The following SLC24A3 variants were observed in gnomAD, a reference collection of about 807,000 sequenced individuals.
The protein encoded by SLC24A3 is sodium/potassium/calcium exchanger 3.
In SLC24A3, 28 loss-of-function variants were observed where a neutral mutation model predicts 75.8. The ratio of observed to expected loss-of-function variants is 0.37; its 90% CI spans 0.27 to 0.51. The LOEUF (loss-of-function observed/expected upper bound fraction) is 0.51. Ranked by LOEUF, SLC24A3 falls within the 20% of genes least tolerant of loss-of-function variation. The pLI is 0.94. For synonymous variants in SLC24A3, 372 were observed against 334.1 expected, an observed-to-expected ratio of 1.11 and a Z score of -1.24; for missense variants, 663 against 847.8, an observed-to-expected ratio of 0.78 and a Z score of 2.71.
At chr20:19,563,935 C>CTAG (rs1323275502) in intron 3 of SLC24A3, among the ~76,000 whole-genome samples, 1 of 152,264 alleles carries the variant, frequency 6.6e-6, no homozygotes, top group Admixed American at 6.5e-5. Flanking sequence ...AGGTTTCTTA[C>CTAG]CAACCTTGAA....
chr20:19,608,419 C>G (rs1056991862), intron 6 of SLC24A3, among the ~76,000 whole-genome samples: 9 of 152,216 alleles, frequency 5.9e-5, no homozygotes, highest in African/African-American at 2.2e-4. Flanking sequence ...GTACAGACTT[C>G]AAGATCCCAA....
chr20:19,452,587 G>T (rs1158342826), intron 2 of SLC24A3, among the ~76,000 whole-genome samples: 1 of 152,004 alleles, frequency 6.6e-6, no homozygotes, highest in Non-Finnish European at 1.5e-5. Flanking sequence ...GAGGCCTGTG[G>T]GGACATTATG....
At chr20:19,699,325 G>A (rs1364146451) in intron 15 of SLC24A3, among the ~76,000 whole-genome samples, 2 of 152,238 alleles carry the variant, frequency 1.3e-5, no homozygotes, top group African/African-American at 2.4e-5. Flanking sequence ...CGGGGAGAGG[G>A]GGAGAGGGTC....
chr20:19,555,499 G>A (rs2030768285), intron 3 of SLC24A3, among the ~76,000 whole-genome samples: 1 of 152,172 alleles, frequency 6.6e-6, no homozygotes, highest in African/African-American at 2.4e-5. Flanking sequence ...TCCTAGAATG[G>A]TAGACAATCC....
intron 2 of SLC24A3, among the ~76,000 whole-genome samples, chr20:19,299,355 C>T (rs1984143064): frequency 6.6e-6 from 1 of 152,152 alleles, no homozygotes; most frequent in African/African-American, 2.4e-5. Flanking sequence ...AATGGGTGAT[C>T]TGAGGAGGCA....
At chr20:19,612,573 AG>A (rs1170717134) in intron 6 of SLC24A3, among the ~76,000 whole-genome samples, 1 of 151,974 alleles carries the variant, frequency 6.6e-6, no homozygotes, top group East Asian at 1.9e-4. Flanking sequence ...GAAAAGTAAA[AG>A]GAAAAAAATA....
At chr20:19,560,521 T>A (rs2122609895) in intron 3 of SLC24A3, among the ~76,000 whole-genome samples, 1 of 152,318 alleles carries the variant, frequency 6.6e-6, no homozygotes, top group Non-Finnish European at 1.5e-5. Flanking sequence ...TATCTTAAGT[T>A]GTCCATTGTC....
chr20:19,258,666 C>T (rs934127124), intron 1 of SLC24A3, among the ~76,000 whole-genome samples: 13 of 152,278 alleles, frequency 8.5e-5, no homozygotes, highest in African/African-American at 2.9e-4. Flanking sequence ...CGCGCCACTG[C>T]ACTCCAGCCT....
chr20:19,563,363 G>T (rs556114834), intron 3 of SLC24A3, among the ~76,000 whole-genome samples: 1 of 152,122 alleles, frequency 6.6e-6, no homozygotes, highest in Non-Finnish European at 1.5e-5. Flanking sequence ...TTGCCTGCTT[G>T]AGAAACATAC....
At chr20:19,622,932 G>C (rs1470571276) in intron 6 of SLC24A3, among the ~76,000 whole-genome samples, 1 of 152,030 alleles carries the variant, frequency 6.6e-6, no homozygotes, top group Non-Finnish European at 1.5e-5. Flanking sequence ...AAGATGCCAG[G>C]CTCTTTAAAC....
chr20:19,515,624 G>T (rs1053234277), intron 3 of SLC24A3, 60 bp downstream of exon 3: 2 of 1,563,090 alleles, frequency 1.3e-6, no homozygotes, highest in Admixed American at 1.7e-5. Flanking sequence ...GGGGTGTGGG[G>T]TGTGGCACCT....
At chr20:19,240,162 C>T (rs1982287832) in intron 1 of SLC24A3, among the ~76,000 whole-genome samples, 2 of 152,316 alleles carry the variant, frequency 1.3e-5, no homozygotes, top group Middle Eastern at 3.4e-3. Context: ...TGAAAATCAT[C>T]ATAGACCCAC....
chr20:19,681,901 G>A lies in SLC24A3; in HGVS notation c.811G>A (p.Gly271Ser), dbSNP rs6136807. The A allele has an allele frequency of 6.2e-7, 1 of 1,614,178 alleles. No homozygotes were observed. Among genetic ancestry groups the A allele is most frequent in the East Asian group, 2.2e-5 (1 of 44,882 alleles). Residue 271 changes from glycine to serine, a missense_variant, in exon 10 of 17, where the codon GGT becomes AGT. Transcript: ENST00000328041. Reference protein sequence around the residue: ...IHQCFERRTKGAGNMVNGLAN... With the variant: ...IHQCFERRTKSAGNMVNGLAN... ...TCAGTGCTTTGAGAGGAGGACAAAA[G>A]GTGCCGGGAACATGGTCAACGGATT...
At position 19,326,469 on chromosome 20, in the gene SLC24A3, C is replaced by G. The variant is rs375758987; in HGVS notation, c.271+45382C>G. On this transcript the variant is annotated intron_variant, in intron 2 of 16. Coordinates refer to ENST00000328041, the MANE Select transcript of SLC24A3 (RefSeq NM_020689.4). ...ACCTGGAAGCCAGAGGGGAAAGGAGCCAGGTCCGGCCTCCTGGGGCACAAA... is the reference window on the plus strand; with the variant it reads ...ACCTGGAAGCCAGAGGGGAAAGGAGGCAGGTCCGGCCTCCTGGGGCACAAA... Among the ~76,000 whole-genome samples the G allele has an allele frequency of 2.7e-4, 41 of 152,280 alleles. 1 individual carries two copies. The South Asian group carries it at 6.6e-3, about 25-fold the overall frequency.
chr20:19,437,413 T>C (rs910837354), intron 2 of SLC24A3, among the ~76,000 whole-genome samples: 3 of 152,222 alleles, frequency 2.0e-5, no homozygotes, highest in African/African-American at 7.2e-5. Flanking sequence ...ATGATTGTAG[T>C]TTTCTCAGGC....
intron 2 of SLC24A3, among the ~76,000 whole-genome samples, chr20:19,497,330 T>C (rs910469194): frequency 6.6e-6 from 1 of 152,166 alleles, no homozygotes; most frequent in Non-Finnish European, 1.5e-5. Flanking sequence ...TAGGAAGCTC[T>C]AGTTGGAGAA....
chr20:19,253,045 G>A (rs1002667116), intron 1 of SLC24A3, among the ~76,000 whole-genome samples: 4 of 152,190 alleles, frequency 2.6e-5, no homozygotes, highest in Admixed American at 1.3e-4. Context: ...GGCTTCCCAC[G>A]GGGTTAGGCA....
At chr20:19,712,373 T>A (rs1998116) in intron 15 of SLC24A3, among the ~76,000 whole-genome samples, 1 of 151,616 alleles carries the variant, frequency 6.6e-6, no homozygotes, top group Non-Finnish European at 1.5e-5. Context: ...GGACCTGCTG[T>A]TCTGGTAAGA....
At chr20:19,326,734 C>T (rs1233313073) in intron 2 of SLC24A3, among the ~76,000 whole-genome samples, 2 of 152,072 alleles carry the variant, frequency 1.3e-5, no homozygotes, top group Non-Finnish European at 2.9e-5. Flanking sequence ...CATGCCACCA[C>T]ACCAGCTAAT....
Sources: allele counts gnomAD v4.1 joint callset (sites outside exome capture counted in the v4.1 genomes callset), GRCh38; gene constraint gnomAD v4.1.1; transcripts MANE v1.5; gene names NCBI Gene and HGNC (gene_info 2026-07-23, HGNC 2026-07-21).